ANKAR: variants seen among roughly 807,000 people sequenced by gnomAD.
The protein encoded by ANKAR is ankyrin and armadillo repeat containing, also known as ankyrin and armadillo repeat-containing protein.
Under a neutral mutation model 146.2 loss-of-function variants are expected in ANKAR, and 136 were observed. The observed-to-expected ratio is 0.93, with a 90% CI of 0.81 to 1.07. ANKAR has a LOEUF of 1.07. Ranked by LOEUF, ANKAR falls within the 50% of genes least tolerant of loss-of-function variation. The probability of loss-of-function intolerance (pLI) is 0.00; values close to 1 mark genes in which losing one functional copy is unlikely to be tolerated. For missense variants in ANKAR, 1,567 were observed against 1,679.9 expected, an observed-to-expected ratio of 0.93 and a Z score of 1.18; for synonymous variants, 500 against 575.8, an observed-to-expected ratio of 0.87 and a Z score of 1.88.
chr2:189,710,864 G>A (rs2039591940), intron 9 of ANKAR, among the ~76,000 whole-genome samples, 185 bp from the exon 10 acceptor site: 1 of 152,178 alleles, frequency 6.6e-6, no homozygotes. Context: ...AAGATCACGG[G>A]CTGATGGAAT....
chr2:189,697,862 G>T (rs947897432), intron 7 of ANKAR, among the ~76,000 whole-genome samples: 1 of 145,520 alleles, frequency 6.9e-6, no homozygotes, highest in Non-Finnish European at 1.5e-5. Context: ...CAGCCATTTG[G>T]GGGGCAGAGT....
At chr2:189,685,630 A>G (rs545424711) in intron 2 of ANKAR, among the ~76,000 whole-genome samples, 2 of 152,282 alleles carry the variant, frequency 1.3e-5, no homozygotes, top group African/African-American at 4.8e-5. Context: ...GAACGCTGGC[A>G]GACTTCACTG....
intron 5 of ANKAR, among the ~76,000 whole-genome samples, chr2:189,694,660 A>G (rs1345300573): frequency 3.3e-5 from 5 of 152,222 alleles, no homozygotes; most frequent in Non-Finnish European, 7.3e-5. Flanking sequence ...GCTTAAAAGA[A>G]TAAGAGGTAG....
At chr2:189,694,549 C>G (rs1042432449) in intron 5 of ANKAR, among the ~76,000 whole-genome samples, 2 of 152,150 alleles carry the variant, frequency 1.3e-5, no homozygotes, top group South Asian at 2.1e-4. Flanking sequence ...TTTCTCTAGT[C>G]CACTGCTGCA....
chr2:189,739,942 A>G (rs2043177847), intron 19 of ANKAR, among the ~76,000 whole-genome samples: 1 of 152,200 alleles, frequency 6.6e-6, no homozygotes, highest in African/African-American at 2.4e-5. Context: ...ATGAGGAGAA[A>G]TGAATCTCAG....
Position 189,719,639 on chromosome 2 carries a change from GT to G in ANKAR, c.2294del (p.Leu765TyrfsTer2), listed in dbSNP as rs2041004091. On this transcript the variant is annotated frameshift_variant, in exon 11 of 23. Transcript: ENST00000684021. LOFTEE classifies it high-confidence loss of function. The stretch of plus-strand genomic sequence containing the variant: ...TAAAACTGCAGTGCAAAACTGTTGG[GT>G]TATTGAGTAATATCTCAACCCACAA... The part of the protein sequence containing the change: ...KIKLQCKTVG[L>X]LSNISTHKSA... 5.6e-6 allele frequency: 9 copies of G among 1,613,978 alleles called. No homozygotes were observed. Among genetic ancestry groups the G allele is most frequent in the Non-Finnish European group, 7.6e-6 (9 of 1,179,976 alleles).
In ANKAR at chr2:189,737,809, G is replaced by T. The variant is rs1261403629; in HGVS notation, c.3550G>T (p.Val1184Phe). Residue 1184 changes from valine (V) to phenylalanine (F), a missense_variant, in exon 18 of 23, where the codon GTT becomes TTT. Coordinates refer to ENST00000684021, the MANE Select transcript of ANKAR (RefSeq NM_001378068.1). ...SIFERFLEST[V>F]ETEKAMAAFQ... is the part of the protein sequence containing the mutation. ...TTTTGAACGTTTTCTTGAATCAACA[G>T]TTGAAACTGAGAAGGCAATGGCAGC... is the stretch of plus-strand genomic sequence containing the variant. 6.4e-7 allele frequency: 1 copy of T among 1,573,560 alleles called. No individual in the cohort carries two copies. Among genetic ancestry groups the T allele is most frequent in the Non-Finnish European group, 8.6e-7 (1 of 1,166,280 alleles).
intron 20 of ANKAR, among the ~76,000 whole-genome samples, chr2:189,742,833 G>GACACACAC (rs371664229): frequency 3.8e-5 from 2 of 53,314 alleles, no homozygotes; most frequent in African/African-American, 7.8e-5. Flanking sequence ...AGAATTACCT[G>GACACACAC]ACACACACAC....
chr2:189,699,103 T>C (rs968667192), intron 7 of ANKAR, among the ~76,000 whole-genome samples: 1 of 152,194 alleles, frequency 6.6e-6, no homozygotes, highest in African/African-American at 2.4e-5. Context: ...AGAAAAACGC[T>C]TGGCCTTCAT....
chr2:189,733,372 A>C, intron 17 of ANKAR, 143 bp downstream of exon 17: 1 of 672,014 alleles, frequency 1.5e-6, no homozygotes, highest in East Asian at 3.1e-5. Context: ...GTAGGTCATT[A>C]GTTTGTAATG....
chr2:189,763,038 TAAAAAG>T, downstream of ANKAR: 1 of 985,244 alleles, frequency 1.0e-6, no homozygotes, highest in Non-Finnish European at 1.2e-6. Flanking sequence ...TAAGCTACAT[TAAAAAG>T]AAATTTTTTT....
In ANKAR at chr2:189,695,069, A is replaced by C; in HGVS notation, c.1396A>C (p.Asn466His). Residue 466 changes from asparagine to histidine, a missense_variant, in exon 6 of 23, where the codon AAT becomes CAT. By Grantham distance (68) the Asn-to-His change is moderately conservative. Coordinates refer to ENST00000684021, the MANE Select transcript of ANKAR (RefSeq NM_001378068.1). The part of the protein sequence containing the change: ...WWGAINEIVN[N>H]LRLKRLPLTD... ...GGGAGCCATAAATGAAATAGTGAACAATCTGAGACTGAAAAGACTTCCACT... is the reference window on the plus strand; with the variant it reads ...GGGAGCCATAAATGAAATAGTGAACCATCTGAGACTGAAAAGACTTCCACT... The C allele has an allele frequency of 6.2e-7, 1 of 1,612,986 alleles. No individual in the cohort carries two copies. The highest frequency in any genetic ancestry group is 8.5e-7 in the Non-Finnish European group (1 of 1,179,468).
chr2:189,758,519 G>A (rs983286400), intron 18 of ANKAR, among the ~76,000 whole-genome samples: 8 of 152,148 alleles, frequency 5.3e-5, no homozygotes, highest in African/African-American at 9.7e-5. Flanking sequence ...ATGCTGCCAC[G>A]CTTCCTACAC....
At position 189,733,270 on chromosome 2, in the gene ANKAR, A is replaced by T. The variant is rs777758759; in HGVS notation, c.3423+41A>T. The T allele has an allele frequency of 2.6e-6, 4 of 1,532,408 alleles. No individual in the cohort carries two copies. In the East Asian group the frequency reaches 9.1e-5, roughly 35 times the overall value. 94.9% of individuals were successfully genotyped at this position (1,532,408 alleles called of 1,614,324 possible). A position where few individuals can be genotyped will look rare whatever the true frequency, so the allele number is the denominator to read the frequency against. On this transcript the variant is annotated intron_variant, in intron 17 of 22. Coordinates refer to ENST00000684021, the MANE Select transcript of ANKAR (RefSeq NM_001378068.1). ...AATATTGAGGTTCATTTTGAAAAAAATGGTTTTTATACCACATCTTCAAAT... is the reference window on the plus strand; with the variant it reads ...AATATTGAGGTTCATTTTGAAAAAATTGGTTTTTATACCACATCTTCAAAT...
intron 19 of ANKAR, among the ~76,000 whole-genome samples, chr2:189,739,478 AAT>A (rs1234730715): frequency 6.6e-6 from 1 of 152,166 alleles, no homozygotes; most frequent in African/African-American, 2.4e-5. Context: ...GAAGTTATTA[AAT>A]ATGTTTTAAT....
chr2:189,710,932 G>A (rs900195047), intron 9 of ANKAR, 117 bp from the exon 10 acceptor site: 18 of 746,840 alleles, frequency 2.4e-5, no homozygotes, highest in Non-Finnish European at 3.9e-5. Flanking sequence ...TGCAGTTGGT[G>A]GTAATAGTGG....
rs775763584 is a variant in ANKAR, at chr2:189,676,519, C to G, written c.29C>G (p.Pro10Arg). 12 of 1,566,724 alleles carry G rather than the reference C, an allele frequency of 7.7e-6. No homozygotes were observed. The East Asian group carries it at 2.8e-4, about 36-fold the overall frequency. Residue 10 changes from proline to arginine, a missense_variant, in exon 2 of 23, where the codon CCT becomes CGT. Physicochemically the swap from Pro to Arg is moderately radical, Grantham distance 103. Coordinates refer to ENST00000684021, the MANE Select transcript of ANKAR (RefSeq NM_001378068.1). The stretch of plus-strand genomic sequence containing the variant: ...TTAAGATTGCCCAAAAAAGGATTAC[C>G]TAGATTTGAGCAAGTTCAGGATGAA... MLRLPKKGL[P>R]RFEQVQDEDT... is the part of the protein sequence containing the mutation.
chr2:189,675,062 A>G (rs1329630468), intron 1 of ANKAR, among the ~76,000 whole-genome samples: 3 of 152,202 alleles, frequency 2.0e-5, no homozygotes, highest in Non-Finnish European at 4.4e-5. Flanking sequence ...CGCCCAAACC[A>G]GCACTATCAG....
At chr2:189,749,422 A>T (rs1218953274), downstream of ANKAR, among the ~76,000 whole-genome samples, 1 of 151,812 alleles carries the variant, frequency 6.6e-6, no homozygotes, top group African/African-American at 2.4e-5. Context: ...GAAATAAAAA[A>T]TTATGTATGA....
Sources: gnomAD v4.1 joint callset for allele counts (sites outside exome capture counted in the v4.1 genomes callset) on GRCh38, gnomAD v4.1.1 for gene constraint, MANE v1.5 for transcripts, NCBI Gene and HGNC (gene_info 2026-07-23, HGNC 2026-07-21) for gene names.